Variants in MICU2 observed in about 807,000 individuals in gnomAD.
MICU2 encodes the protein mitochondrial calcium uptake 2.
MICU2 carries 64 observed loss-of-function variants against 60.4 expected under a neutral mutation model. That is an observed-to-expected ratio of 1.06 (90% CI 0.87 to 1.31). The LOEUF (loss-of-function observed/expected upper bound fraction) is 1.31, where lower values mean the gene tolerates loss of function less well. Ranked by LOEUF, MICU2 falls within the 50% of genes most tolerant of loss-of-function variation. MICU2 has a pLI of 0.00. For missense variants in MICU2, 569 were observed against 531.0 expected (o/e 1.07, Z -0.70); for synonymous variants, 201 against 175.0 (o/e 1.15, Z -1.17).
intron 2 of MICU2, chr13:21,551,472 A>C (rs903702685): frequency 6.6e-6 from 1 of 152,052 alleles, no homozygotes; most frequent in African/African-American, 2.4e-5. Flanking sequence ...GTTTTAGGGT[A>C]CATGTGCACA....
At chr13:21,506,868 A>G (rs1886302716) in intron 8 of MICU2, among the ~76,000 whole-genome samples, 1 of 152,250 alleles carries the variant, frequency 6.6e-6, no homozygotes, top group African/African-American at 2.4e-5. Flanking sequence ...TAAACATGTT[A>G]TAACATTATA....
At chr13:21,587,370 GTCT>G (rs1258354520) in intron 1 of MICU2, among the ~76,000 whole-genome samples, 1 of 152,170 alleles carries the variant, frequency 6.6e-6, no homozygotes, top group Non-Finnish European at 1.5e-5. Flanking sequence ...CCTGACAGAT[GTCT>G]TCTTACCAAA....
intron 8 of MICU2, among the ~76,000 whole-genome samples, chr13:21,507,226 A>T (rs1026753899): frequency 6.6e-5 from 10 of 152,190 alleles, no homozygotes; most frequent in East Asian, 1.9e-4. Flanking sequence ...GAACTAATTT[A>T]AAAAAATTTA....
intron 2 of MICU2, among the ~76,000 whole-genome samples, chr13:21,540,431 A>G (rs1021563194): frequency 6.6e-6 from 1 of 152,134 alleles, no homozygotes; most frequent in Non-Finnish European, 1.5e-5. Context: ...ATTGCTCTCA[A>G]AATTATCTTG....
At chr13:21,582,154 CA>C (rs1566168438) in intron 1 of MICU2, among the ~76,000 whole-genome samples, 1 of 152,130 alleles carries the variant, frequency 6.6e-6, no homozygotes, top group Non-Finnish European at 1.5e-5. Flanking sequence ...AGCAAGGAGA[CA>C]GGGGCAAGGG....
chr13:21,510,453 T>C (rs1886398293), intron 7 of MICU2, among the ~76,000 whole-genome samples: 1 of 152,144 alleles, frequency 6.6e-6, no homozygotes, highest in Non-Finnish European at 1.5e-5. Flanking sequence ...ACTGAGAGAG[T>C]TAAAGCAAGA....
At chr13:21,523,415 AACATCTCAAGTG>A (rs142233253) in intron 4 of MICU2, among the ~76,000 whole-genome samples, 26,030 of 152,202 alleles carry the variant, frequency 0.17, 2,962 homozygotes, top group Non-Finnish European at 0.26. Context: ...TACTATGCAT[AACATCTCAAGTG>A]AAGCAAATTT....
intron 4 of MICU2, among the ~76,000 whole-genome samples, chr13:21,524,288 C>G (rs1401805423): frequency 6.6e-6 from 1 of 151,886 alleles, no homozygotes; most frequent in African/African-American, 2.4e-5. Flanking sequence ...AACTCAGCAC[C>G]AATAATTATC....
chr13:21,522,077 C>T (rs949925796), intron 5 of MICU2, among the ~76,000 whole-genome samples: 3 of 152,250 alleles, frequency 2.0e-5, no homozygotes, highest in Non-Finnish European at 4.4e-5. Flanking sequence ...CTTACATAAC[C>T]ACAGTACATT....
chr13:21,510,478 T>C (rs1308274412), intron 7 of MICU2, among the ~76,000 whole-genome samples: 2 of 152,254 alleles, frequency 1.3e-5, no homozygotes, highest in African/African-American at 2.4e-5. Flanking sequence ...CTTTGAGCTT[T>C]TGTTGAATGT....
intron 2 of MICU2, among the ~76,000 whole-genome samples, chr13:21,540,870 C>T (rs1887265025): frequency 6.6e-6 from 1 of 152,012 alleles, no homozygotes; most frequent in Admixed American, 6.5e-5. Flanking sequence ...AATACGTAGT[C>T]ATATAATGCT....
intron 4 of MICU2, among the ~76,000 whole-genome samples, chr13:21,527,398 A>C (rs2138175554): frequency 6.6e-6 from 1 of 152,300 alleles, no homozygotes; most frequent in South Asian, 2.1e-4. Context: ...CAGGTCCTTT[A>C]TGCAAGCAGA....
At position 21,573,434 on chromosome 13, in the gene MICU2, G is replaced by A. The variant is rs145157810; in HGVS notation, c.211-6490C>T. Reference sequence around the variant, plus strand: ...ACTACAGGCGCCCGCCACCATGCCCGGCTAATTTTTTGTATTTTTAGTAGG... The same window carrying A: ...ACTACAGGCGCCCGCCACCATGCCCAGCTAATTTTTTGTATTTTTAGTAGG... On this transcript the variant is annotated intron_variant, in intron 1 of 11. Coordinates refer to ENST00000382374, the MANE Select transcript of MICU2 (RefSeq NM_152726.3). 6.8e-3 allele frequency among the ~76,000 whole-genome samples: 1,035 copies of A among 152,124 alleles called. 19 individuals are homozygous for A. Among genetic ancestry groups the A allele is most frequent in the African/African-American group, 0.024 (984 of 41,504 alleles).
At chr13:21,569,476 G>A (rs1380143416) in intron 1 of MICU2, among the ~76,000 whole-genome samples, 1 of 151,940 alleles carries the variant, frequency 6.6e-6, no homozygotes, top group Non-Finnish European at 1.5e-5. Context: ...TTTTCCTTAG[G>A]AAATATGCAG....
intron 2 of MICU2, among the ~76,000 whole-genome samples, chr13:21,545,996 ACCC>A (rs2138010582): frequency 6.6e-6 from 1 of 152,340 alleles, no homozygotes; most frequent in East Asian, 1.9e-4. Flanking sequence ...ATCACTATGT[ACCC>A]CATAAGTATG....
chr13:21,560,854 G>A (rs982462394), intron 2 of MICU2, among the ~76,000 whole-genome samples: 5 of 152,214 alleles, frequency 3.3e-5, no homozygotes, highest in East Asian at 3.9e-4. Flanking sequence ...TTGTCCCACC[G>A]ACTATATTAT....
intron 1 of MICU2, among the ~76,000 whole-genome samples, chr13:21,602,566 T>A (rs1196406414): frequency 1.3e-5 from 2 of 151,716 alleles, no homozygotes; most frequent in Non-Finnish European, 2.9e-5. Context: ...AAAACCAGGA[T>A]GAATCTAGGG....
At chr13:21,497,321 C>T (rs1031304490) in intron 9 of MICU2, among the ~76,000 whole-genome samples, 7 of 152,128 alleles carry the variant, frequency 4.6e-5, no homozygotes, top group African/African-American at 1.2e-4. Context: ...GCCAAGATCG[C>T]GCCACTGCAC....
intron 1 of MICU2, among the ~76,000 whole-genome samples, chr13:21,594,448 C>T (rs937366420): frequency 4.6e-5 from 7 of 152,142 alleles, no homozygotes; most frequent in Admixed American, 4.6e-4. Context: ...TAAATTAGTT[C>T]AACTATTGTG....
Sources: allele counts gnomAD v4.1 joint callset (sites outside exome capture counted in the v4.1 genomes callset), GRCh38; gene constraint gnomAD v4.1.1; transcripts MANE v1.5; gene names NCBI Gene and HGNC (gene_info 2026-07-23, HGNC 2026-07-21).